SHCBP1L: variants seen among roughly 807,000 people sequenced by gnomAD.
SHCBP1L encodes SHC binding and spindle associated 1 like, also known as testicular spindle-associated protein SHCBP1L.
SHCBP1L carries 67 observed loss-of-function variants against 62.5 expected under a neutral mutation model. That is an observed-to-expected ratio of 1.07 (90% CI 0.88 to 1.31). SHCBP1L has a LOEUF of 1.31. Ranked by LOEUF, SHCBP1L falls within the 40% of genes most tolerant of loss-of-function variation. SHCBP1L has a pLI of 0.00. For synonymous variants in SHCBP1L, 284 were observed against 289.4 expected, an observed-to-expected ratio of 0.98 and a Z score of 0.19; for missense variants, 823 against 809.8, an observed-to-expected ratio of 1.02 and a Z score of -0.20.
intron 2 of SHCBP1L, among the ~76,000 whole-genome samples, chr1:182,942,616 G>T (rs868748141): frequency 6.6e-6 from 1 of 152,160 alleles, no homozygotes; most frequent in Non-Finnish European, 1.5e-5. Context: ...ATACTTCCCT[G>T]CACTTGTCTG....
chr1:182,929,786 A>G (rs754052563), intron 5 of SHCBP1L, 34 bp from the exon 6 acceptor site: 1 of 1,408,622 alleles, frequency 7.1e-7, no homozygotes, highest in Non-Finnish European at 9.7e-7. Flanking sequence ...TAATTAAATT[A>G]ACATGAAAAA....
Position 182,953,104 on chromosome 1 carries a change from G to T in SHCBP1L, c.30C>A (p.Pro10=). MASGSKASV[P]ADSFRTISPD... Reference sequence around the variant, plus strand: ...GGCTGATGGTGCGGAATGAGTCCGCGGGCACCGAGGCCTTGGAGCCCGACG... The same window carrying T: ...GGCTGATGGTGCGGAATGAGTCCGCTGGCACCGAGGCCTTGGAGCCCGACG... Residue 10 remains proline (P), a synonymous_variant, in exon 1 of 10, where the codon CCC becomes CCA. Transcript: ENST00000367547. 6.4e-7 allele frequency: 1 copy of T among 1,573,798 alleles called. No homozygotes were observed. The highest frequency in any genetic ancestry group is 8.6e-7 in the Non-Finnish European group (1 of 1,167,842).
chr1:182,952,507 C>T (rs531981220), intron 1 of SHCBP1L: 2 of 510,634 alleles, frequency 3.9e-6, no homozygotes, highest in South Asian at 3.8e-5. Flanking sequence ...CGTTACCTGA[C>T]GAATTTTGTC....
intron 2 of SHCBP1L, among the ~76,000 whole-genome samples, chr1:182,945,376 G>C (rs377447641): frequency 3.9e-5 from 6 of 152,138 alleles, no homozygotes; most frequent in Non-Finnish European, 8.8e-5. Context: ...ATAAAATACT[G>C]GTTTCATTTT....
intron 8 of SHCBP1L, 29 bp downstream of exon 8, chr1:182,904,151 A>G (rs1649926580): frequency 3.1e-6 from 5 of 1,609,914 alleles, no homozygotes; most frequent in Non-Finnish European, 4.2e-6. Flanking sequence ...ATAGTCATAT[A>G]AGGCCATACT....
chr1:182,914,753 A>G (rs139342519), intron 6 of SHCBP1L, among the ~76,000 whole-genome samples: 22 of 152,242 alleles, frequency 1.4e-4, no homozygotes, highest in Non-Finnish European at 2.5e-4. Context: ...AACAGTAGCC[A>G]ATGACAGAAG....
chr1:182,935,311 C>T (rs1199137949), intron 5 of SHCBP1L, among the ~76,000 whole-genome samples: 1 of 152,118 alleles, frequency 6.6e-6, no homozygotes. Flanking sequence ...AATCCAAGAA[C>T]ATAAGATATC....
intron 6 of SHCBP1L, among the ~76,000 whole-genome samples, chr1:182,927,293 G>T (rs1650796750): frequency 6.6e-6 from 1 of 151,500 alleles, no homozygotes; most frequent in Non-Finnish European, 1.5e-5. Context: ...TAAGATGATG[G>T]GCATGAATAA....
At chr1:182,908,068 A>G (rs1024131804) in intron 6 of SHCBP1L, among the ~76,000 whole-genome samples, 3 of 152,146 alleles carry the variant, frequency 2.0e-5, no homozygotes, top group African/African-American at 2.4e-5. Context: ...TATTGTATAT[A>G]CTTTTGAATT....
chr1:182,921,463 T>C (rs1200758011), intron 6 of SHCBP1L, among the ~76,000 whole-genome samples: 1 of 152,226 alleles, frequency 6.6e-6, no homozygotes, highest in Non-Finnish European at 1.5e-5. Context: ...AACAACGAGC[T>C]AATAGGTTTG....
chr1:182,920,408 T>C (rs1650492578), intron 6 of SHCBP1L, among the ~76,000 whole-genome samples: 1 of 151,824 alleles, frequency 6.6e-6, no homozygotes. Context: ...TCAAAGAATA[T>C]AAAAGCAAAA....
chr1:182,900,181 T>C lies in SHCBP1L; in HGVS notation c.1764A>G (p.Lys588=), dbSNP rs1435094355. 1.2e-6 allele frequency: 2 copies of C among 1,607,334 alleles called. No homozygotes were observed. Among genetic ancestry groups the C allele is most frequent in the African/African-American group, 1.3e-5 (1 of 74,718 alleles). ...GTTGAAGAATGCTTACTCCATAGCC[T>C]TTGTTGCTATAAATATGATTATTAG... ...KMTNNHIYSN[K]GYGVSILQPM... The change falls in exon 10 of 10, where the codon AAA becomes AAG. Residue 588 remains lysine, a synonymous_variant. Transcript: ENST00000367547.
At chr1:182,932,969 G>A (rs1431217010) in intron 5 of SHCBP1L, among the ~76,000 whole-genome samples, 2 of 151,750 alleles carry the variant, frequency 1.3e-5, no homozygotes, top group South Asian at 2.1e-4. Flanking sequence ...GCAGTGGTGC[G>A]ATCTCAGCTC....
chr1:182,940,994 G>A lies in SHCBP1L; in HGVS notation c.556-451C>T, dbSNP rs560705557. ...AGCCTCCTCAGGACCTGGGACTACA[G>A]GAACATGCCACTGTGCCCAGCTAAT... On this transcript the variant is annotated intron_variant, in intron 2 of 9. Transcript: ENST00000367547. Among the ~76,000 whole-genome samples, 148 of 152,098 alleles carry A rather than the reference G, an allele frequency of 9.7e-4. 5 individuals carry two copies. In the South Asian group the frequency reaches 0.03, roughly 31 times the overall value.
intron 6 of SHCBP1L, among the ~76,000 whole-genome samples, chr1:182,924,713 A>AAAGAAAGG (rs1650633722): frequency 8.4e-5 from 4 of 47,554 alleles, no homozygotes; most frequent in African/African-American, 1.8e-4. Flanking sequence ...AGAAAGAAAG[A>AAAGAAAGG]AAGAAAGAAA....
At chr1:182,941,026 G>A (rs371301703) in intron 2 of SHCBP1L, among the ~76,000 whole-genome samples, 5 of 151,758 alleles carry the variant, frequency 3.3e-5, no homozygotes, top group Admixed American at 6.6e-5. Context: ...TAATATTATC[G>A]AAAAATTTTT....
intron 5 of SHCBP1L, among the ~76,000 whole-genome samples, chr1:182,930,063 G>A (rs1246791219): frequency 2.0e-5 from 3 of 152,156 alleles, no homozygotes; most frequent in Non-Finnish European, 4.4e-5. Flanking sequence ...TTTCCGGGGT[G>A]TACTTTCATA....
chr1:182,952,155 CCAAAA>C (rs1651765041), intron 1 of SHCBP1L, among the ~76,000 whole-genome samples: 7 of 19,074 alleles, frequency 3.7e-4, no homozygotes, highest in African/African-American at 1.1e-3. Flanking sequence ...AACTCCGTCT[CCAAAA>C]AAAAAAAAAA....
intron 2 of SHCBP1L, among the ~76,000 whole-genome samples, chr1:182,943,332 G>A (rs1277774927): frequency 7.0e-6 from 1 of 142,746 alleles, no homozygotes; most frequent in East Asian, 2.0e-4. Context: ...ATGTTGCCTA[G>A]GCTGGTCTTG....
Sources: allele counts gnomAD v4.1 joint callset (sites outside exome capture counted in the v4.1 genomes callset), GRCh38; gene constraint gnomAD v4.1.1; transcripts MANE v1.5; gene names NCBI Gene and HGNC (gene_info 2026-07-23, HGNC 2026-07-21).